Variants in MEGF10 observed in about 807,000 individuals in gnomAD.
MEGF10 encodes multiple EGF like domains 10, also known as multiple epidermal growth factor-like domains protein 10.
Under a neutral mutation model 147.5 loss-of-function variants are expected in MEGF10, and 86 were observed. That is an observed-to-expected ratio of 0.58 (90% CI 0.49 to 0.70). The LOEUF is 0.70. Among genes scored for constraint, MEGF10 ranks in the 30% least tolerant of loss-of-function variants. The pLI, the probability that MEGF10 is intolerant of heterozygous loss-of-function variation, is 0.00. For missense variants in MEGF10, 1,329 were observed against 1,487.3 expected (o/e 0.89, Z 1.75); for synonymous variants, 478 against 525.5 (o/e 0.91, Z 1.24).
chr5:127,242,392 G>GGT, the MEGF10 span, among the ~76,000 whole-genome samples: 1 of 152,054 alleles, frequency 6.6e-6, no homozygotes, highest in African/African-American at 2.4e-5. Context: ...AATTTTAAGA[G>GGT]GTATATATAA....
Position 127,426,731 on chromosome 5 carries a change from T to C in MEGF10, c.1693+3959T>C, listed in dbSNP as rs184164447. Among the ~76,000 whole-genome samples, 17 of 152,366 alleles carry C rather than the reference T, an allele frequency of 1.1e-4. No individual in the cohort carries two copies. In the East Asian group the frequency reaches 1.2e-3, roughly 10 times the overall value. Reference sequence around the variant, plus strand: ...TGGAGTGATATACTTTATAAAAGCATTTTCCCAAAATTACAGAAACAGGCT... The same window carrying C: ...TGGAGTGATATACTTTATAAAAGCACTTTCCCAAAATTACAGAAACAGGCT... On this transcript the variant is annotated intron_variant, in intron 13 of 24. Coordinates refer to ENST00000503335, the MANE Select transcript of MEGF10 (RefSeq NM_001256545.2).
intron 9 of MEGF10, 144 bp downstream of exon 9, chr5:127,410,745 T>TA (rs1348654979): frequency 2.9e-6 from 2 of 697,292 alleles, no homozygotes; most frequent in African/African-American, 3.6e-5. Context: ...AATCGCCGAG[T>TA]AAAAGGAAGA....
At chr5:127,251,073 AATC>A in the MEGF10 span, among the ~76,000 whole-genome samples, 1 of 152,108 alleles carries the variant, frequency 6.6e-6, no homozygotes, top group African/African-American at 2.4e-5. Flanking sequence ...ATGCAATCCT[AATC>A]ATTATTTATG....
the MEGF10 span, among the ~76,000 whole-genome samples, chr5:127,242,501 T>C: frequency 2.0e-5 from 3 of 152,242 alleles, no homozygotes; most frequent in Non-Finnish European, 4.4e-5. Flanking sequence ...CTTTTGTTTG[T>C]ATAAGTTCGG....
chr5:127,249,362 A>G, the MEGF10 span, among the ~76,000 whole-genome samples: 10 of 151,426 alleles, frequency 6.6e-5, no homozygotes, highest in Admixed American at 1.3e-4. Context: ...AGAGAAGAAG[A>G]AGGAGGAGGA....
the MEGF10 span, among the ~76,000 whole-genome samples, chr5:127,236,280 T>A: frequency 1.3e-5 from 2 of 152,168 alleles, no homozygotes; most frequent in African/African-American, 2.4e-5. Flanking sequence ...TAGCAAACTT[T>A]TAAGGTAAAG....
the MEGF10 span, among the ~76,000 whole-genome samples, chr5:127,231,734 T>C: frequency 8.5e-5 from 13 of 152,248 alleles, no homozygotes; most frequent in South Asian, 1.0e-3. Flanking sequence ...TTAGGCTTCT[T>C]GATTCTAGGC....
intron 5 of MEGF10, among the ~76,000 whole-genome samples, chr5:127,379,064 CTTTTTTT>C (rs35798578): frequency 4.9e-5 from 6 of 121,474 alleles, no homozygotes; most frequent in East Asian, 2.3e-4. Flanking sequence ...ATTGATTTTT[CTTTTTTT>C]TTTTTTTTTT....
chr5:127,460,456 C>T lies in MEGF10; in HGVS notation c.*3138C>T, dbSNP rs1452344608. On this transcript the variant is annotated 3_prime_UTR_variant, in exon 25 of 25. Coordinates refer to ENST00000503335, the MANE Select transcript of MEGF10 (RefSeq NM_001256545.2). ...ATTATCTTTATGGAATTTATATTCACCAATTTCAGGAAAACCAACCATAGA... is the reference window on the plus strand; with the variant it reads ...ATTATCTTTATGGAATTTATATTCATCAATTTCAGGAAAACCAACCATAGA... 1.3e-5 allele frequency: 2 copies of T among 152,068 alleles called. No homozygotes were observed. The highest frequency in any genetic ancestry group is 4.8e-5 in the African/African-American group (2 of 41,418). The allele number at this position is 152,068 out of a possible 1,614,324, so 9.4% of individuals were successfully genotyped here.
the MEGF10 span, among the ~76,000 whole-genome samples, chr5:127,245,381 G>T: frequency 6.6e-6 from 1 of 152,272 alleles, no homozygotes; most frequent in South Asian, 2.1e-4. Flanking sequence ...TTAATAGATG[G>T]TGTTGGGAAA....
intron 2 of MEGF10, among the ~76,000 whole-genome samples, chr5:127,338,828 A>C (rs1561579882): frequency 6.6e-6 from 1 of 152,100 alleles, no homozygotes; most frequent in East Asian, 1.9e-4. Context: ...ATGCAGAAAA[A>C]TACGGAGTGG....
chr5:127,362,439 G>C (rs1762508608), intron 4 of MEGF10, among the ~76,000 whole-genome samples: 1 of 149,858 alleles, frequency 6.7e-6, no homozygotes, highest in South Asian at 2.1e-4. Flanking sequence ...GCGCGATCTC[G>C]GCTCACTGCA....
intron 1 of MEGF10, among the ~76,000 whole-genome samples, chr5:127,316,811 G>A (rs962930110): frequency 7.2e-5 from 11 of 152,240 alleles, no homozygotes; most frequent in African/African-American, 1.4e-4. Context: ...CTACTCTGAC[G>A]AAGAACACAT....
chr5:127,258,350 T>C, the MEGF10 span, among the ~76,000 whole-genome samples: 1 of 152,172 alleles, frequency 6.6e-6, no homozygotes, highest in Non-Finnish European at 1.5e-5. Flanking sequence ...TAGTAGTGGA[T>C]TCAAGCACTG....
At chr5:127,430,514 T>C (rs1192092718) in intron 13 of MEGF10, among the ~76,000 whole-genome samples, 1 of 152,234 alleles carries the variant, frequency 6.6e-6, no homozygotes, top group Non-Finnish European at 1.5e-5. Context: ...CTCTTAGTGA[T>C]ACTTACTGCC....
At chr5:127,246,773 T>A in the MEGF10 span, among the ~76,000 whole-genome samples, 7 of 59,418 alleles carry the variant, frequency 1.2e-4, no homozygotes, top group African/African-American at 3.3e-4. Context: ...ATTTATAAAT[T>A]ATATTTATAT....
In MEGF10 at chr5:127,449,339, T is replaced by C. The variant is rs989634438; in HGVS notation, c.2980+117T>C. 3 of 1,402,978 alleles carry C rather than the reference T, an allele frequency of 2.1e-6. No individual in the cohort carries two copies. In the African/African-American group the frequency reaches 4.3e-5, roughly 20 times the overall value. 86.9% of individuals were successfully genotyped at this position (1,402,978 alleles called of 1,614,324 possible). On this transcript the variant is annotated intron_variant, in intron 22 of 24. Coordinates refer to ENST00000503335, the MANE Select transcript of MEGF10 (RefSeq NM_001256545.2). ...TGAAAACTTGCATCAAAAAGCACAATAGCAGAATTATGCCTAACACCTGTA... is the reference window on the plus strand; with the variant it reads ...TGAAAACTTGCATCAAAAAGCACAACAGCAGAATTATGCCTAACACCTGTA...
At chr5:127,432,457 T>C (rs1765416199) in intron 13 of MEGF10, among the ~76,000 whole-genome samples, 1 of 152,204 alleles carries the variant, frequency 6.6e-6, no homozygotes, top group Non-Finnish European at 1.5e-5. Context: ...TGTGTTTTCA[T>C]TTGGTCTGAG....
chr5:127,411,025 G>A (rs1764537752), intron 9 of MEGF10, among the ~76,000 whole-genome samples: 1 of 151,380 alleles, frequency 6.6e-6, no homozygotes, highest in African/African-American at 2.4e-5. Flanking sequence ...CAGCACATCT[G>A]TGGAAGAAAA....
Sources: allele counts gnomAD v4.1 joint callset (sites outside exome capture counted in the v4.1 genomes callset), GRCh38; gene constraint gnomAD v4.1.1; transcripts MANE v1.5; gene names NCBI Gene and HGNC (gene_info 2026-07-23, HGNC 2026-07-21).